Variants in CCNY observed in about 807,000 individuals in gnomAD.
CCNY encodes cyclin-Y.
In CCNY, 19 loss-of-function variants were observed where a neutral mutation model predicts 42.8. The observed-to-expected ratio is 0.44, with a 90% CI of 0.31 to 0.65. CCNY has a LOEUF of 0.65. Ranked by LOEUF, CCNY falls within the 30% of genes least tolerant of loss-of-function variation. CCNY has a pLI of 0.07. For synonymous variants in CCNY, 165 were observed against 162.7 expected, an observed-to-expected ratio of 1.01 and a Z score of -0.11; for missense variants, 370 against 437.3, an observed-to-expected ratio of 0.85 and a Z score of 1.37.
chr10:35,551,505 G>T (rs1243152825), intron 7 of CCNY, among the ~76,000 whole-genome samples: 1 of 152,126 alleles, frequency 6.6e-6, no homozygotes, highest in East Asian at 1.9e-4. Flanking sequence ...CTTAAAAATA[G>T]CATGGATGGT....
At chr10:35,354,907 A>G (rs1335917034) in intron 1 of CCNY, among the ~76,000 whole-genome samples, 3 of 152,142 alleles carry the variant, frequency 2.0e-5, no homozygotes, top group Non-Finnish European at 2.9e-5. Context: ...CAGGTGTCTC[A>G]AATTTATTTT....
intron 3 of CCNY, among the ~76,000 whole-genome samples, chr10:35,320,119 G>A (rs1027247983): frequency 1.3e-5 from 2 of 152,024 alleles, no homozygotes; most frequent in African/African-American, 4.8e-5. Flanking sequence ...AACAAAGAAA[G>A]ATGACTTCTC....
At chr10:35,321,392 G>A (rs181617863) in intron 3 of CCNY, among the ~76,000 whole-genome samples, 1 of 152,028 alleles carries the variant, frequency 6.6e-6, no homozygotes. Context: ...CCCAGCAGGG[G>A]TGGGGCACGA....
intron 1 of CCNY, among the ~76,000 whole-genome samples, chr10:35,453,256 A>AT (rs1256829580): frequency 1.3e-5 from 2 of 152,160 alleles, no homozygotes; most frequent in East Asian, 3.8e-4. Flanking sequence ...AAATTTATAT[A>AT]TTTTTCACTT....
intron 4 of CCNY, among the ~76,000 whole-genome samples, chr10:35,522,523 G>A (rs1376491026): frequency 6.6e-6 from 1 of 152,126 alleles, no homozygotes; most frequent in Non-Finnish European, 1.5e-5. Flanking sequence ...CACTCCAGGG[G>A]GAGGCCAAAT....
intron 1 of CCNY, among the ~76,000 whole-genome samples, chr10:35,473,503 G>A (rs1158896490): frequency 6.6e-6 from 1 of 152,182 alleles, no homozygotes; most frequent in East Asian, 1.9e-4. Flanking sequence ...GCGGGTCTAA[G>A]GGAGGCCCAG....
At chr10:35,279,108 A>G (rs1835270859) in intron 3 of CCNY, among the ~76,000 whole-genome samples, 1 of 143,630 alleles carries the variant, frequency 7.0e-6, no homozygotes, top group Non-Finnish European at 1.5e-5. Context: ...CAAGCTTTCA[A>G]TGTTTTTTTT....
At chr10:35,279,096 G>A (rs1236414577) in intron 3 of CCNY, among the ~76,000 whole-genome samples, 1 of 148,222 alleles carries the variant, frequency 6.7e-6, no homozygotes, top group Non-Finnish European at 1.5e-5. Flanking sequence ...GAAAGCACCA[G>A]TCAAGCTTTC....
intron 3 of CCNY, among the ~76,000 whole-genome samples, chr10:35,298,804 G>T (rs1490304245): frequency 6.6e-6 from 1 of 152,196 alleles, no homozygotes; most frequent in African/African-American, 2.4e-5. Context: ...TTACAGGCAT[G>T]AGCCATTGCA....
At chr10:35,522,093 A>G (rs1298844991) in intron 4 of CCNY, among the ~76,000 whole-genome samples, 1 of 152,210 alleles carries the variant, frequency 6.6e-6, no homozygotes, top group Non-Finnish European at 1.5e-5. Context: ...CCAGTTTACC[A>G]CTAGGGTTAA....
chr10:35,271,444 A>G (rs1229638520), intron 3 of CCNY, among the ~76,000 whole-genome samples: 1 of 152,218 alleles, frequency 6.6e-6, no homozygotes, highest in Admixed American at 6.5e-5. Flanking sequence ...TGAAGGCTGA[A>G]GAAAAATCCC....
chr10:35,487,568 C>T (rs995961602), intron 2 of CCNY, among the ~76,000 whole-genome samples: 9 of 152,206 alleles, frequency 5.9e-5, no homozygotes, highest in Admixed American at 2.0e-4. Context: ...TCAGAGTTTT[C>T]GTGATTGCTG....
intron 7 of CCNY, among the ~76,000 whole-genome samples, chr10:35,532,969 T>C (rs1474734098): frequency 1.3e-5 from 2 of 152,206 alleles, no homozygotes; most frequent in Non-Finnish European, 2.9e-5. Flanking sequence ...GTCCTGTAGG[T>C]CTGGAAGGAC....
At chr10:35,344,960 T>G (rs1035362458) in intron 1 of CCNY, among the ~76,000 whole-genome samples, 1 of 152,254 alleles carries the variant, frequency 6.6e-6, no homozygotes, top group Non-Finnish European at 1.5e-5. Flanking sequence ...CACATCTTCT[T>G]AATGCAGTCT....
chr10:35,498,059 AG>A (rs1433729275), intron 2 of CCNY, among the ~76,000 whole-genome samples: 1 of 152,170 alleles, frequency 6.6e-6, no homozygotes, highest in Non-Finnish European at 1.5e-5. Context: ...AACTCAGTAC[AG>A]GGAAGAGGTG....
In CCNY at chr10:35,302,721, C is replaced by G. The variant is rs1015368532; in HGVS notation, c.-9+52095C>G. The stretch of plus-strand genomic sequence containing the variant: ...AAAATCTGTGGCTGAACAATTCAAT[C>G]TACATCATAGCCACTGAGAACAATA... On this transcript the variant is annotated intron_variant, in intron 3 of 11. Coordinates refer to the CCNY transcript ENST00000374706. Among the ~76,000 whole-genome samples the G allele has an allele frequency of 4.6e-5, 7 of 152,268 alleles. No homozygotes were observed. The South Asian group carries it at 1.5e-3, about 32-fold the overall frequency.
intron 3 of CCNY, among the ~76,000 whole-genome samples, chr10:35,292,526 A>G (rs1835424894): frequency 6.6e-6 from 1 of 151,812 alleles, no homozygotes; most frequent in Admixed American, 6.6e-5. Flanking sequence ...GTGCCTGGCT[A>G]ACTTTTGTAT....
At position 35,564,987 on chromosome 10, in the gene CCNY, CCCTGTGGGTGGGCACCCCTGGGGGCTT is replaced by C. The variant is rs141688771; in HGVS notation, c.747-1031_747-1005del. 3.3e-3 allele frequency among the ~76,000 whole-genome samples: 508 copies of C among 152,214 alleles called. 3 individuals are homozygous for C. Among genetic ancestry groups the C allele is most frequent in the African/African-American group, 0.012 (478 of 41,530 alleles). ...CTGGAGGGTGTGCAGTGGGTGGGCA[CCCTGTGGGTGGGCACCCCTGGGGGCTT>C]CCTGGGGAGAACGTGCTGAATCTGA... On this transcript the variant is annotated intron_variant, in intron 8 of 9. Coordinates refer to ENST00000374704, the MANE Select transcript of CCNY (RefSeq NM_145012.6).
At chr10:35,380,063 C>T (rs1837144944) in intron 1 of CCNY, among the ~76,000 whole-genome samples, 1 of 152,106 alleles carries the variant, frequency 6.6e-6, no homozygotes, top group Admixed American at 6.5e-5. Context: ...GAACACTGTC[C>T]CAGATATTGG....
Sources: allele counts gnomAD v4.1 joint callset (sites outside exome capture counted in the v4.1 genomes callset), GRCh38; gene constraint gnomAD v4.1.1; transcripts MANE v1.5; gene names NCBI Gene and HGNC (gene_info 2026-07-23, HGNC 2026-07-21).